The following UTP20 variants were observed in gnomAD, a reference collection of about 807,000 sequenced individuals.
The protein encoded by UTP20 is small subunit processome component 20 homolog.
In UTP20, 164 loss-of-function variants were observed where a neutral mutation model predicts 329.5. The observed-to-expected ratio is 0.50, with a 90% confidence interval of 0.44 to 0.57. The LOEUF is 0.57. Among genes scored for constraint, UTP20 ranks in the 20% least tolerant of loss-of-function variants. UTP20 has a pLI of 0.00. For synonymous variants in UTP20, 1,151 were observed against 1,159.3 expected (o/e 0.99, Z 0.14); for missense variants, 3,055 against 3,284.2 (o/e 0.93, Z 1.71).
chr12:101,345,546 A>G lies in UTP20; in HGVS notation c.4606-8A>G. 6.7e-7 allele frequency: 1 copy of G among 1,492,156 alleles called. No individual in the cohort carries two copies. Among genetic ancestry groups the G allele is most frequent in the Non-Finnish European group, 9.0e-7 (1 of 1,110,136 alleles). The allele number at this position is 1,492,156 out of a possible 1,614,324, so 92.4% of individuals were successfully genotyped here. Reference sequence around the variant, plus strand: ...ATAAAATGTTTTTTCTCCACTTCATATTTACAGAGTATTCAGCAGGATTAT... The same window carrying G: ...ATAAAATGTTTTTTCTCCACTTCATGTTTACAGAGTATTCAGCAGGATTAT... On this transcript the variant is annotated splice_polypyrimidine_tract_variant and splice_region_variant and intron_variant, in intron 36 of 61. Transcript: ENST00000261637.
intron 29 of UTP20, 149 bp from the exon 30 acceptor site, chr12:101,337,902 A>G: frequency 1.4e-6 from 1 of 726,162 alleles, no homozygotes; most frequent in Non-Finnish European, 2.2e-6. Flanking sequence ...ATTATTATCC[A>G]TCAAATTTTA....
chr12:101,302,730 G>A (rs1373205868), intron 15 of UTP20, among the ~76,000 whole-genome samples, 177 bp downstream of exon 15: 1 of 152,224 alleles, frequency 6.6e-6, no homozygotes, highest in East Asian at 1.9e-4. Flanking sequence ...ATTTGACACA[G>A]TCTTTAAATA....
chr12:101,326,901 T>G, intron 25 of UTP20, 180 bp from the exon 26 acceptor site: 2 of 639,708 alleles, frequency 3.1e-6, no homozygotes, highest in African/African-American at 1.8e-5. Context: ...CTTAGCCTTA[T>G]TTTGTTGTTG....
intron 51 of UTP20, 104 bp downstream of exon 51, chr12:101,371,272 ATTG>A (rs1870279128): frequency 1.2e-6 from 1 of 845,364 alleles, no homozygotes; most frequent in Non-Finnish European, 1.8e-6. Flanking sequence ...CTTGTGTCGT[ATTG>A]TTGCTTTATG....
chr12:101,352,638 A>C (rs1302495170), intron 39 of UTP20, among the ~76,000 whole-genome samples: 1 of 140,082 alleles, frequency 7.1e-6, no homozygotes, highest in East Asian at 2.5e-4. Context: ...CAGGAAGGGG[A>C]ACATCACACT....
In UTP20 at chr12:101,342,544, T is replaced by C. The variant is rs776666023; in HGVS notation, c.4200T>C (p.Val1400=). ...FLKPIAKLFS[V]IKNKLSRKLL... ...AGCCTATAGCAAAACTTTTCTCAGTTATTAAGAACAAATTGTCAAGAAAAT... is the reference window on the plus strand; with the variant it reads ...AGCCTATAGCAAAACTTTTCTCAGTCATTAAGAACAAATTGTCAAGAAAAT... The change falls in exon 33 of 62, where the codon GTT becomes GTC. Residue 1400 remains valine, a synonymous_variant. Coordinates refer to ENST00000261637, the MANE Select transcript of UTP20 (RefSeq NM_014503.3). The C allele has an allele frequency of 6.2e-7, 1 of 1,613,752 alleles. No homozygotes were observed. Among genetic ancestry groups the C allele is most frequent in the Non-Finnish European group, 8.5e-7 (1 of 1,179,862 alleles).
chr12:101,312,582 A>T (rs1872830680), intron 21 of UTP20, among the ~76,000 whole-genome samples: 1 of 152,206 alleles, frequency 6.6e-6, no homozygotes, highest in Admixed American at 6.5e-5. Flanking sequence ...AGCTGGGCAC[A>T]GGCATGCGCC....
intron 30 of UTP20, 88 bp downstream of exon 30, chr12:101,338,365 C>T: frequency 1.5e-6 from 2 of 1,364,214 alleles, no homozygotes; most frequent in South Asian, 1.2e-5. Context: ...TATAATTTGA[C>T]TCACTCGAGA....
At chr12:101,299,520 T>TG (rs1465481256) in intron 12 of UTP20, among the ~76,000 whole-genome samples, 162 bp from the exon 13 acceptor site, 1 of 152,200 alleles carries the variant, frequency 6.6e-6, no homozygotes, top group Non-Finnish European at 1.5e-5. Flanking sequence ...AGCTTCTCAC[T>TG]GAAAACTCAG....
At chr12:101,341,868 G>A (rs1179664677) in intron 32 of UTP20, among the ~76,000 whole-genome samples, 8 of 152,088 alleles carry the variant, frequency 5.3e-5, no homozygotes, top group African/African-American at 1.4e-4. Flanking sequence ...TCATGCCACT[G>A]CACTCCAGAC....
At chr12:101,369,563 A>G (rs2121023924) in intron 48 of UTP20, among the ~76,000 whole-genome samples, 158 bp from the exon 49 acceptor site, 2 of 152,334 alleles carry the variant, frequency 1.3e-5, no homozygotes, top group Admixed American at 1.3e-4. Context: ...AAATGTCTTT[A>G]TCTTCTTACA....
intron 28 of UTP20, 125 bp from the exon 29 acceptor site, chr12:101,334,300 G>A: frequency 1.4e-6 from 1 of 710,320 alleles, no homozygotes; most frequent in South Asian, 2.0e-5. Context: ...GTGTCATTTG[G>A]ATGTTCATCT....
chr12:101,307,578 T>C (rs1872675101), intron 17 of UTP20, among the ~76,000 whole-genome samples: 1 of 152,156 alleles, frequency 6.6e-6, no homozygotes, highest in Non-Finnish European at 1.5e-5. Context: ...AGTTTTGCCA[T>C]GTTGGCAAGG....
At chr12:101,286,056 T>C (rs766877037) in intron 4 of UTP20, among the ~76,000 whole-genome samples, 175 bp downstream of exon 4, 2 of 152,232 alleles carry the variant, frequency 1.3e-5, no homozygotes, top group Non-Finnish European at 2.9e-5. Flanking sequence ...TGGGGTATAA[T>C]TTCGCATTTG....
chr12:101,281,473 C>T (rs577940740), intron 2 of UTP20, among the ~76,000 whole-genome samples: 2 of 152,292 alleles, frequency 1.3e-5, no homozygotes, highest in Non-Finnish European at 2.9e-5. Flanking sequence ...CTCTATTAGA[C>T]AATTGACTTG....
chr12:101,343,632 C>G (rs12230128), intron 35 of UTP20, among the ~76,000 whole-genome samples: 18,471 of 152,108 alleles, frequency 0.12, 2,466 homozygotes, highest in East Asian at 0.46. Flanking sequence ...ACCTCAGCCT[C>G]CCGAATAGTA....
intron 25 of UTP20, among the ~76,000 whole-genome samples, 178 bp downstream of exon 25, chr12:101,321,807 T>C (rs111973736): frequency 0.046 from 7,053 of 152,100 alleles, 525 homozygotes; most frequent in African/African-American, 0.16. Context: ...TGCAGTGGCA[T>C]GATCACAGCT....
intron 31 of UTP20, 129 bp from the exon 32 acceptor site, chr12:101,340,394 C>T (rs1043520653): frequency 1.7e-6 from 1 of 587,728 alleles, no homozygotes; most frequent in Non-Finnish European, 3.0e-6. Flanking sequence ...TGCACACATA[C>T]TTAAAAGCTA....
In UTP20 at chr12:101,305,901, A is replaced by G. The variant is rs1239062034; in HGVS notation, c.1782-14A>G. On this transcript the variant is annotated splice_polypyrimidine_tract_variant and intron_variant, in intron 15 of 61. Coordinates refer to ENST00000261637, the MANE Select transcript of UTP20 (RefSeq NM_014503.3). ...ATATGGTACAGTTTGGGTCTAATGA[A>G]CATCTCGTTGCAGAACCTTTCCCCT... The G allele has an allele frequency of 2.5e-6, 4 of 1,585,800 alleles. No homozygotes were observed. Among genetic ancestry groups the G allele is most frequent in the South Asian group, 1.1e-5 (1 of 87,434 alleles).
Sources: gnomAD v4.1 joint callset for allele counts (sites outside exome capture counted in the v4.1 genomes callset) on GRCh38, gnomAD v4.1.1 for gene constraint, MANE v1.5 for transcripts, NCBI Gene and HGNC (gene_info 2026-07-23, HGNC 2026-07-21) for gene names.